ZNF487: variants seen among roughly 807,000 people sequenced by gnomAD.
ZNF487 encodes zinc finger protein 487.
In ZNF487, 4 loss-of-function variants were observed where a neutral mutation model predicts 3.0. That is an observed-to-expected ratio of 1.35 (90% confidence interval 0.66 to 3.08). The LOEUF (loss-of-function observed/expected upper bound fraction) is 3.08, where lower values mean the gene tolerates loss of function less well. Among genes scored for constraint, ZNF487 ranks in the 30% most tolerant of loss-of-function variants. The pLI is 0.01. For synonymous variants in ZNF487, 55 were observed against 34.6 expected (o/e 1.59, Z -2.06); for missense variants, 146 against 98.7 (o/e 1.48, Z -2.03).
the ZNF487 span, chr10:43,495,900 C>G: frequency 2.3e-6 from 1 of 426,680 alleles, no homozygotes; most frequent in Non-Finnish European, 4.8e-6. Context: ...AGTAGGTATG[C>G]TGTGTGACAT....
chr10:43,513,739 A>G, the ZNF487 span, among the ~76,000 whole-genome samples: 1 of 152,182 alleles, frequency 6.6e-6, no homozygotes, highest in Admixed American at 6.5e-5. Flanking sequence ...GCACTCAGGA[A>G]TGACCACAGG....
At chr10:43,441,228 A>T (rs1372788269) in intron 1 of ZNF487, among the ~76,000 whole-genome samples, 1 of 150,818 alleles carries the variant, frequency 6.6e-6, no homozygotes, top group Non-Finnish European at 1.5e-5. Flanking sequence ...TGGCCTCCCA[A>T]AGTGCTGGGA....
intron 1 of ZNF487, among the ~76,000 whole-genome samples, chr10:43,449,264 A>C (rs1292951365): frequency 6.6e-6 from 1 of 151,986 alleles, no homozygotes; most frequent in Non-Finnish European, 1.5e-5. Flanking sequence ...GTGCCACTGC[A>C]CTCCAGCCTC....
At chr10:43,459,832 C>T (rs934113351) in intron 1 of ZNF487, among the ~76,000 whole-genome samples, 4 of 149,918 alleles carry the variant, frequency 2.7e-5, no homozygotes, top group Non-Finnish European at 4.4e-5. Flanking sequence ...GATGGAGTCT[C>T]GCTCTGTCGT....
At chr10:43,465,944 G>A (rs900889920) in intron 1 of ZNF487, among the ~76,000 whole-genome samples, 1 of 152,208 alleles carries the variant, frequency 6.6e-6, no homozygotes, top group Non-Finnish European at 1.5e-5. Context: ...CCGGCACCTC[G>A]GGAGGCCGAG....
At chr10:43,521,341 T>C in the ZNF487 span, among the ~76,000 whole-genome samples, 5 of 152,204 alleles carry the variant, frequency 3.3e-5, no homozygotes, top group African/African-American at 7.2e-5. Context: ...ATAAAGCTAA[T>C]TTAACACACA....
At chr10:43,483,538 T>C (rs1335970789), downstream of ZNF487, among the ~76,000 whole-genome samples, 1 of 148,100 alleles carries the variant, frequency 6.8e-6, no homozygotes, top group East Asian at 2.0e-4. Context: ...AGCCCTTCTT[T>C]TTTTTTTGAA....
rs552920614 is a variant in ZNF487, at chr10:43,464,910, C to T, written c.-93-10811C>T. 4.8e-4 allele frequency among the ~76,000 whole-genome samples: 73 copies of T among 152,228 alleles called. No individual in the cohort carries two copies. The East Asian group carries it at 0.011, about 23-fold the overall frequency. Reference sequence around the variant, plus strand: ...TACACCTCCCAGACGGGGTGGTGGCCGGGCAGAGGGGCTCCTCACTTCCCA... The same window carrying T: ...TACACCTCCCAGACGGGGTGGTGGCTGGGCAGAGGGGCTCCTCACTTCCCA... On this transcript the variant is annotated intron_variant, in intron 1 of 3. Coordinates refer to ENST00000437590, the MANE Select transcript of ZNF487 (RefSeq NM_001355444.3).
intron 1 of ZNF487, among the ~76,000 whole-genome samples, chr10:43,441,359 G>A (rs1040231031): frequency 3.3e-5 from 5 of 151,808 alleles, no homozygotes; most frequent in African/African-American, 7.3e-5. Context: ...TCCGCCTCCC[G>A]GGTTCCAGCA....
chr10:43,496,215 T>C, the ZNF487 span: 6 of 396,934 alleles, frequency 1.5e-5, no homozygotes, highest in East Asian at 4.3e-4. Flanking sequence ...TGATCCTTTA[T>C]AGAGATGAAT....
At chr10:43,501,880 A>G in the ZNF487 span, among the ~76,000 whole-genome samples, 6 of 152,198 alleles carry the variant, frequency 3.9e-5, no homozygotes, top group African/African-American at 1.4e-4. Flanking sequence ...TAAAAAAATT[A>G]AGATACTTCA....
the ZNF487 span, among the ~76,000 whole-genome samples, chr10:43,495,196 C>T: frequency 1.4e-5 from 2 of 143,458 alleles, no homozygotes; most frequent in Non-Finnish European, 1.5e-5. Flanking sequence ...TTTTCAGTGT[C>T]CCCAGGCTTT....
the ZNF487 span, among the ~76,000 whole-genome samples, chr10:43,506,375 A>G: frequency 2.0e-3 from 307 of 152,116 alleles, 2 homozygotes; most frequent in Middle Eastern, 0.014. Flanking sequence ...TAGGGCATGC[A>G]CACCTGTAGT....
chr10:43,451,147 T>C (rs1392367211), intron 1 of ZNF487, among the ~76,000 whole-genome samples: 2 of 151,626 alleles, frequency 1.3e-5, no homozygotes, highest in African/African-American at 2.4e-5. Flanking sequence ...GGTTTTTCCA[T>C]GTTGGTCAGA....
At chr10:43,474,184 G>A (rs1261704694) in intron 1 of ZNF487, among the ~76,000 whole-genome samples, 1 of 151,640 alleles carries the variant, frequency 6.6e-6, no homozygotes, top group Non-Finnish European at 1.5e-5. Context: ...CAGGGGCTGG[G>A]TGCGGTGTGG....
chr10:43,503,027 C>A, the ZNF487 span, among the ~76,000 whole-genome samples: 205 of 95,590 alleles, frequency 2.1e-3, no homozygotes, highest in Middle Eastern at 5.3e-3. Flanking sequence ...GACCCTGTCT[C>A]AAAAAAAAAA....
intron 1 of ZNF487, among the ~76,000 whole-genome samples, chr10:43,439,024 A>G (rs1042998091): frequency 4.0e-5 from 6 of 151,646 alleles, no homozygotes; most frequent in African/African-American, 1.5e-4. Flanking sequence ...GGTGGATCAG[A>G]GGGTCAGGAG....
the ZNF487 span, among the ~76,000 whole-genome samples, chr10:43,488,438 CAT>C: frequency 6.6e-6 from 1 of 152,106 alleles, no homozygotes; most frequent in South Asian, 2.1e-4. Flanking sequence ...ATAATTAAAA[CAT>C]AATAAGGAGC....
chr10:43,493,352 T>G, the ZNF487 span, among the ~76,000 whole-genome samples: 3 of 152,114 alleles, frequency 2.0e-5, no homozygotes, highest in Non-Finnish European at 4.4e-5. Flanking sequence ...CCAACACCTG[T>G]GGAAACCACT....
Sources: allele counts gnomAD v4.1 joint callset (sites outside exome capture counted in the v4.1 genomes callset), GRCh38; gene constraint gnomAD v4.1.1; transcripts MANE v1.5; gene names NCBI Gene and HGNC (gene_info 2026-07-23, HGNC 2026-07-21).